The following GPR39 variants were observed in gnomAD, a reference collection of about 807,000 sequenced individuals.
The protein encoded by GPR39 is zinc sensing receptor.
Under a neutral mutation model 18.4 loss-of-function variants are expected in GPR39, and 23 were observed. That is an observed-to-expected ratio of 1.25 (90% CI 0.90 to 1.77). The LOEUF (loss-of-function observed/expected upper bound fraction) is 1.77. Ranked by LOEUF, GPR39 falls within the 40% of genes most tolerant of loss-of-function variation. The pLI is 0.00. For synonymous variants in GPR39, 280 were observed against 257.9 expected (o/e 1.09, Z -0.82); for missense variants, 647 against 602.4 (o/e 1.07, Z -0.78).
intron 1 of GPR39, among the ~76,000 whole-genome samples, chr2:132,522,364 G>A (rs1354899867): frequency 2.0e-5 from 3 of 152,176 alleles, no homozygotes; most frequent in Non-Finnish European, 2.9e-5. Flanking sequence ...CCCCTTGAGA[G>A]AATGCTAGAC....
At chr2:132,443,657 A>G (rs1332701135) in intron 1 of GPR39, among the ~76,000 whole-genome samples, 3 of 152,208 alleles carry the variant, frequency 2.0e-5, no homozygotes, top group Non-Finnish European at 4.4e-5. Flanking sequence ...GGCCCACAGT[A>G]AGTTGAGGAA....
chr2:132,542,913 C>T (rs1470959573), intron 1 of GPR39, among the ~76,000 whole-genome samples: 3 of 152,170 alleles, frequency 2.0e-5, no homozygotes, highest in African/African-American at 7.2e-5. Flanking sequence ...TGTCTGAGTT[C>T]CAGCCAGTTG....
At chr2:132,439,038 TAA>T (rs1203776616) in intron 1 of GPR39, among the ~76,000 whole-genome samples, 1 of 152,218 alleles carries the variant, frequency 6.6e-6, no homozygotes, top group Non-Finnish European at 1.5e-5. Flanking sequence ...ATAACATTCA[TAA>T]GAGTATTCCC....
At chr2:132,421,438 T>C (rs560200628) in intron 1 of GPR39, among the ~76,000 whole-genome samples, 1 of 144,096 alleles carries the variant, frequency 6.9e-6, no homozygotes, top group African/African-American at 2.6e-5. Flanking sequence ...ACTATAGTTA[T>C]GAAAAAAGAT....
chr2:132,498,219 A>G (rs941872794), intron 1 of GPR39, among the ~76,000 whole-genome samples: 1 of 152,156 alleles, frequency 6.6e-6, no homozygotes, highest in African/African-American at 2.4e-5. Flanking sequence ...CCCACTGTGT[A>G]GTCTTTTATA....
At chr2:132,590,322 CAGTG>C (rs1328935358) in intron 1 of GPR39, among the ~76,000 whole-genome samples, 12 of 152,080 alleles carry the variant, frequency 7.9e-5, no homozygotes, top group Non-Finnish European at 1.5e-5. Context: ...GGAGAAAACA[CAGTG>C]AGGTTGAAGA....
chr2:132,576,604 G>A (rs1261555517), intron 1 of GPR39, among the ~76,000 whole-genome samples: 1 of 152,184 alleles, frequency 6.6e-6, no homozygotes, highest in Non-Finnish European at 1.5e-5. Flanking sequence ...AGTGAGCCAA[G>A]ATTGCACCAC....
In GPR39 at chr2:132,645,188, C is replaced by T. The variant is rs763051509; in HGVS notation, c.944C>T (p.Thr315Met). The T allele has an allele frequency of 1.9e-6, 3 of 1,614,138 alleles. No homozygotes were observed. The highest frequency in any genetic ancestry group is 4.5e-5 in the East Asian group (2 of 44,880). ...GCGGCCAAACCCAAGCACGACTGGA[C>T]GAGGTCCTACTTCCGGGCGTACATG... ...MAAAKPKHDWTRSYFRAYMIL... is the reference protein window; with the variant it reads ...MAAAKPKHDWMRSYFRAYMIL... Residue 315 changes from threonine (T) to methionine (M), a missense_variant, in exon 2 of 2, where the codon ACG becomes ATG. Physicochemically the swap from Thr to Met is moderately conservative, Grantham distance 81. Around this residue, in one of 3 missense-constraint regions of GPR39, gnomAD observed 581 missense variants for 506.8 expected, o/e 1.15. Transcript: ENST00000329321.
chr2:132,462,700 C>G (rs968228575), intron 1 of GPR39, among the ~76,000 whole-genome samples: 8 of 152,188 alleles, frequency 5.3e-5, no homozygotes, highest in Non-Finnish European at 1.2e-4. Context: ...GCCAACCAGG[C>G]AGTCCAGGCT....
chr2:132,546,177 G>A (rs964979129), intron 1 of GPR39, among the ~76,000 whole-genome samples: 2 of 152,222 alleles, frequency 1.3e-5, no homozygotes, highest in African/African-American at 4.8e-5. Context: ...TCAAACTTGA[G>A]TGTGCCTCAG....
At chr2:132,574,547 C>G (rs1680498245) in intron 1 of GPR39, among the ~76,000 whole-genome samples, 1 of 151,964 alleles carries the variant, frequency 6.6e-6, no homozygotes, top group South Asian at 2.1e-4. Context: ...GCAGCCTGGC[C>G]AACATGACAA....
At chr2:132,427,100 TACATATATATATAATATACATATATAGG>T in intron 1 of GPR39, among the ~76,000 whole-genome samples, 1 of 132,372 alleles carries the variant, frequency 7.6e-6, no homozygotes, top group African/African-American at 2.9e-5. Flanking sequence ...CATATATAGG[TACATATATATATAATATACATATATAGG>T]TACATATATA....
At chr2:132,460,852 C>G (rs187153967) in intron 1 of GPR39, among the ~76,000 whole-genome samples, 1 of 152,172 alleles carries the variant, frequency 6.6e-6, no homozygotes, top group African/African-American at 2.4e-5. Context: ...GCACAGCCAG[C>G]TCTGGGCAGG....
intron 1 of GPR39, among the ~76,000 whole-genome samples, chr2:132,584,064 T>A (rs1261499136): frequency 6.6e-6 from 1 of 151,666 alleles, no homozygotes; most frequent in Non-Finnish European, 1.5e-5. Flanking sequence ...AGGTAGGAAG[T>A]TTTTTGAGGG....
chr2:132,513,969 A>G (rs928858431), intron 1 of GPR39, among the ~76,000 whole-genome samples: 1 of 152,170 alleles, frequency 6.6e-6, no homozygotes, highest in African/African-American at 2.4e-5. Context: ...TATCTAATAG[A>G]GCTGGTTTGA....
chr2:132,552,915 T>TAC (rs1680073720), intron 1 of GPR39, among the ~76,000 whole-genome samples: 1 of 74,302 alleles, frequency 1.3e-5, no homozygotes. Flanking sequence ...CACACATATA[T>TAC]ATACACACAC....
chr2:132,547,614 A>G (rs1320861140), intron 1 of GPR39, among the ~76,000 whole-genome samples: 1 of 152,224 alleles, frequency 6.6e-6, no homozygotes, highest in Non-Finnish European at 1.5e-5. Context: ...AGCTTTATTA[A>G]TAAGATAGTT....
At chr2:132,561,384 G>T (rs549797284) in intron 1 of GPR39, among the ~76,000 whole-genome samples, 1 of 152,236 alleles carries the variant, frequency 6.6e-6, no homozygotes, top group African/African-American at 2.4e-5. Context: ...ATCAGCCATG[G>T]TCCTGGCTCC....
intron 1 of GPR39, among the ~76,000 whole-genome samples, chr2:132,535,940 C>G (rs1451691386): frequency 7.1e-6 from 1 of 140,864 alleles, no homozygotes; most frequent in Non-Finnish European, 1.5e-5. Flanking sequence ...TTATTGTGGT[C>G]TATTTGATTC....
Sources: allele counts gnomAD v4.1 joint callset (sites outside exome capture counted in the v4.1 genomes callset), GRCh38; gene constraint gnomAD v4.1.1; regional missense constraint gnomAD v4.1.1; transcripts MANE v1.5; gene names NCBI Gene and HGNC (gene_info 2026-07-23, HGNC 2026-07-21).